The following SH3KBP1 variants were observed in gnomAD, a reference collection of about 807,000 sequenced individuals.
SH3KBP1 encodes the protein SH3 domain-containing kinase-binding protein 1.
In SH3KBP1, 8 loss-of-function variants were observed where a neutral mutation model predicts 50.1. The observed-to-expected ratio is 0.16, with a 90% CI of 0.09 to 0.29. SH3KBP1 has a LOEUF of 0.29. SH3KBP1 is among the 10% of genes least tolerant of loss of function. The probability of loss-of-function intolerance (pLI) is 1.00; values close to 1 mark genes in which losing one functional copy is unlikely to be tolerated. For missense variants in SH3KBP1, 377 were observed against 535.2 expected, an observed-to-expected ratio of 0.70 and a Z score of 2.92; for synonymous variants, 227 against 218.6, an observed-to-expected ratio of 1.04 and a Z score of -0.34.
intron 13 of SH3KBP1, among the ~76,000 whole-genome samples, chrX:19,551,404 C>G (rs2065233301): frequency 9.0e-6 from 1 of 110,897 alleles, no homozygotes; most frequent in East Asian, 2.8e-4. Context: ...CCAGGAGGAC[C>G]CTGGCCAGGG....
chrX:19,695,733 T>C lies in SH3KBP1; in HGVS notation c.399A>G (p.Glu133=). 8.3e-7 allele frequency: 1 copy of C among 1,209,985 alleles called. No homozygotes were observed. The highest frequency in any genetic ancestry group is 1.8e-5 in the South Asian group (1 of 56,922). The stretch of plus-strand genomic sequence containing the variant: ...CGTTGAGAACACCTTCCCACCATCC[T>C]TCCTCTACCTGCAGAGATACAAACA... ...DIIEVVGEVE[E]GWWEGVLNGK... Residue 133 remains glutamate (E), a synonymous_variant, in exon 5 of 18, where the codon GAA becomes GAG. Transcript: ENST00000397821.
At chrX:19,799,697 G>A in intron 2 of SH3KBP1, 1 of 1,209,129 alleles carries the variant, frequency 8.3e-7, no homozygotes, top group Non-Finnish European at 1.1e-6. Flanking sequence ...TGTGAAGTAT[G>A]AAATGGTAAT....
chrX:19,728,109 T>C (rs915203269), intron 3 of SH3KBP1, among the ~76,000 whole-genome samples: 25 of 112,264 alleles, frequency 2.2e-4, no homozygotes, highest in African/African-American at 7.8e-4. Flanking sequence ...CAAAAGCCTT[T>C]GGAAGAGGCA....
intron 2 of SH3KBP1, among the ~76,000 whole-genome samples, chrX:19,779,301 A>G (rs2066084575): frequency 9.4e-6 from 1 of 106,762 alleles, no homozygotes; most frequent in Admixed American, 1.0e-4. Flanking sequence ...CCTGTCTCAA[A>G]AAAAAAAAAA....
chrX:19,565,392 T>A (rs1443547207), intron 13 of SH3KBP1, among the ~76,000 whole-genome samples: 2 of 111,488 alleles, frequency 1.8e-5, no homozygotes, highest in East Asian at 5.6e-4. Flanking sequence ...AGCCAGATAA[T>A]CTTGCTCAGT....
chrX:19,654,555 C>G (rs775349539), intron 6 of SH3KBP1, among the ~76,000 whole-genome samples: 5 of 111,928 alleles, frequency 4.5e-5, no homozygotes, highest in Admixed American at 9.5e-5. Context: ...TCATCTTATT[C>G]ACAGAGGATG....
intron 1 of SH3KBP1, among the ~76,000 whole-genome samples, chrX:19,837,927 A>C (rs944843672): frequency 8.9e-6 from 1 of 112,081 alleles, no homozygotes; most frequent in African/African-American, 3.2e-5. Context: ...AAATTAACTC[A>C]AAATAGTTCA....
intron 2 of SH3KBP1, among the ~76,000 whole-genome samples, chrX:19,787,707 T>C (rs917059697): frequency 9.0e-6 from 1 of 111,527 alleles, no homozygotes; most frequent in Non-Finnish European, 1.9e-5. Flanking sequence ...TCTCACACTT[T>C]TAAGGGTAAA....
intron 6 of SH3KBP1, among the ~76,000 whole-genome samples, chrX:19,681,034 A>AT (rs758069243): frequency 0.012 from 1,255 of 107,155 alleles, 19 homozygotes; most frequent in African/African-American, 0.038. Flanking sequence ...TGGATTTCAG[A>AT]TTTTTTTTTT....
intron 5 of SH3KBP1, chrX:19,694,957 G>T (rs1360921264): frequency 4.2e-5 from 47 of 1,127,233 alleles, no homozygotes; most frequent in Non-Finnish European, 5.5e-5. Flanking sequence ...CCCACAGTTG[G>T]GTTAGTGACT....
chrX:19,556,520 A>G (rs2065496791), intron 13 of SH3KBP1, among the ~76,000 whole-genome samples: 1 of 111,531 alleles, frequency 9.0e-6, no homozygotes, highest in African/African-American at 3.3e-5. Context: ...ACTAACTGAA[A>G]TGATTAGCAA....
intron 7 of SH3KBP1, among the ~76,000 whole-genome samples, chrX:19,632,408 C>T (rs1234813132): frequency 1.8e-5 from 2 of 112,592 alleles, no homozygotes; most frequent in African/African-American, 3.2e-5. Flanking sequence ...CAAAGCTACC[C>T]AGGATACATA....
intron 12 of SH3KBP1, among the ~76,000 whole-genome samples, chrX:19,572,309 CAT>C (rs773308469): frequency 1.8e-4 from 19 of 102,737 alleles, no homozygotes; most frequent in Admixed American, 8.6e-4. Flanking sequence ...ATATATAGTA[CAT>C]ATGTTATATA....
chrX:19,542,090 G>C lies in SH3KBP1; in HGVS notation c.1727C>G (p.Ser576Cys). The C allele has an allele frequency of 1.7e-6, 2 of 1,211,802 alleles. No individual in the cohort carries two copies. Among genetic ancestry groups the C allele is most frequent in the Non-Finnish European group, 2.2e-6 (2 of 895,452 alleles). Residue 576 changes from serine to cysteine, a missense_variant, in exon 16 of 18, where the codon TCC becomes TGC. Transcript: ENST00000397821. ...TCTGTGTCCAGCTGTTCCCAAAGAG[G>C]ATGACAGGGGGGAGGGCGCCGCTGA... is the stretch of plus-strand genomic sequence containing the variant. Reference protein sequence around the residue: ...LSSAAPSPLSSSLGTAGHRAN... With the variant: ...LSSAAPSPLSCSLGTAGHRAN...
intron 2 of SH3KBP1, among the ~76,000 whole-genome samples, chrX:19,779,491 T>C (rs1209475153): frequency 9.6e-6 from 1 of 104,653 alleles, no homozygotes; most frequent in African/African-American, 3.5e-5. Context: ...GCTAGTTACA[T>C]ATGTATACAT....
At chrX:19,698,883 TTGAATGAATGAA>T (rs770021813) in intron 4 of SH3KBP1, among the ~76,000 whole-genome samples, 4 of 110,211 alleles carry the variant, frequency 3.6e-5, no homozygotes, top group East Asian at 5.7e-4. Context: ...GCCTCACACA[TTGAATGAATGAA>T]TGAATGAATG....
intron 2 of SH3KBP1, among the ~76,000 whole-genome samples, chrX:19,799,444 C>T (rs1390331119): frequency 9.0e-6 from 1 of 111,631 alleles, no homozygotes; most frequent in Non-Finnish European, 1.9e-5. Context: ...AAAGAAATAC[C>T]CTTCGGCTAT....
At chrX:19,579,109 G>T (rs186011994) in intron 12 of SH3KBP1, among the ~76,000 whole-genome samples, 14 of 112,160 alleles carry the variant, frequency 1.2e-4, no homozygotes, top group African/African-American at 3.9e-4. Context: ...TGCATCGTGC[G>T]TCCTTGTCTG....
rs1164182187 is a variant in SH3KBP1 at position 19,534,749 on chromosome X, G to A, written c.*1668C>T. The A allele has an allele frequency of 3.4e-6, 1 of 293,444 alleles. No homozygotes were observed. The highest frequency in any genetic ancestry group is 5.9e-6 in the Non-Finnish European group (1 of 169,005). 24.2% of individuals were successfully genotyped at this position (293,444 alleles called of 1,213,427 possible). ...CTTCCCTTAATTATGCCCCCACCCAGGAAGACCAAGGTGTTTGGGCTCCTT... is the reference window on the plus strand; with the variant it reads ...CTTCCCTTAATTATGCCCCCACCCAAGAAGACCAAGGTGTTTGGGCTCCTT... On this transcript the variant is annotated 3_prime_UTR_variant, in exon 18 of 18. Transcript: ENST00000397821.
Sources: gnomAD v4.1 joint callset for allele counts (sites outside exome capture counted in the v4.1 genomes callset) on GRCh38, gnomAD v4.1.1 for gene constraint, MANE v1.5 for transcripts, NCBI Gene and HGNC (gene_info 2026-07-23, HGNC 2026-07-21) for gene names.